The following OR2V2 variants were observed in gnomAD, a reference collection of about 807,000 sequenced individuals.
OR2V2 encodes the protein olfactory receptor family 2 subfamily V member 2.
For synonymous variants in OR2V2, 161 were observed against 151.3 expected, an observed-to-expected ratio of 1.06 and a Z score of -0.47; for missense variants, 392 against 392.2, an observed-to-expected ratio of 1.00 and a Z score of 0.00.
intron 1 of OR2V2, among the ~76,000 whole-genome samples, chr5:181,153,757 A>G (rs1763221690): frequency 6.6e-6 from 1 of 152,186 alleles, no homozygotes; most frequent in Admixed American, 6.5e-5. Flanking sequence ...AAATAAATCC[A>G]TTGAAACTTT....
chr5:181,151,725 T>C (rs1387433989), intron 1 of OR2V2, among the ~76,000 whole-genome samples: 1 of 152,034 alleles, frequency 6.6e-6, no homozygotes, highest in Non-Finnish European at 1.5e-5. Context: ...AAGCTGGGGC[T>C]GGGAGGGGCG....
rs146118085 is a variant in OR2V2, at chr5:181,155,800, C to G, written c.858C>G (p.Leu286=). The G allele has an allele frequency of 2.5e-5, 40 of 1,614,084 alleles. No homozygotes were observed. Among genetic ancestry groups the G allele is most frequent in the Non-Finnish European group, 3.2e-5 (38 of 1,180,048 alleles). Residue 286 remains leucine (L), a synonymous_variant, in exon 2 of 2, where the codon CTC becomes CTG. Coordinates refer to ENST00000641492, the MANE Select transcript of OR2V2 (RefSeq NM_206880.2). ...TCTACACGGTCCTTACTCCCATGCT[C>G]AACCCCCTCATTTACAGCTTGAGGA... ...SIFYTVLTPM[L]NPLIYSLRNR...
In OR2V2 at chr5:181,158,662, AT is replaced by A. The variant is rs1763297299; in HGVS notation, c.*2773del. On this transcript the variant is annotated 3_prime_UTR_variant, in exon 2 of 2. Coordinates refer to ENST00000641492, the MANE Select transcript of OR2V2 (RefSeq NM_206880.2). ...AAGTAAATAAATAAATAAACAAAAAATAAAAAGAAAACATGTGAAAGCACAG... is the reference window on the plus strand; with the variant it reads ...AAGTAAATAAATAAATAAACAAAAAAAAAAAGAAAACATGTGAAAGCACAG... The A allele has an allele frequency of 6.6e-6, 1 of 152,224 alleles. No homozygotes were observed. Among genetic ancestry groups the A allele is most frequent in the African/African-American group, 2.4e-5 (1 of 41,440 alleles). The allele number at this position is 152,224 out of a possible 1,614,324, so 9.4% of individuals were successfully genotyped here.
At chr5:181,151,944 C>G (rs188503791) in intron 1 of OR2V2, among the ~76,000 whole-genome samples, 1 of 147,350 alleles carries the variant, frequency 6.8e-6, no homozygotes, top group Admixed American at 6.8e-5. Context: ...GATCATGCCA[C>G]TGTGCTCCAG....
At chr5:181,153,561 A>G (rs899104553) in intron 1 of OR2V2, among the ~76,000 whole-genome samples, 4 of 152,220 alleles carry the variant, frequency 2.6e-5, no homozygotes, top group African/African-American at 9.6e-5. Flanking sequence ...GCATGGTGGC[A>G]GGCACCTATG....
At chr5:181,148,221 C>T (rs191192515) in intron 1 of OR2V2, among the ~76,000 whole-genome samples, 4 of 152,246 alleles carry the variant, frequency 2.6e-5, no homozygotes, top group Non-Finnish European at 4.4e-5. Context: ...TTCCCTCTCT[C>T]GATCCTTGGT....
intron 1 of OR2V2, among the ~76,000 whole-genome samples, chr5:181,149,241 A>G (rs1216717200): frequency 6.6e-6 from 1 of 151,868 alleles, no homozygotes; most frequent in Non-Finnish European, 1.5e-5. Flanking sequence ...TCAGGGGTGG[A>G]TATGTGGGGT....
At position 181,155,391 on chromosome 5, in the gene OR2V2, G is replaced by C; in HGVS notation, c.449G>C (p.Trp150Ser). The change falls in exon 2 of 2, where the codon TGG becomes TCG. Residue 150 changes from tryptophan to serine, a missense_variant. By Grantham distance (177) the Trp-to-Ser change is radical. Transcript: ENST00000641492. ...RVCLQITGSS[W>S]AFGIIDGLIQ... ...TGTCTCCAGATTACTGGGAGCTCCT[G>C]GGCCTTTGGGATAATCGATGGCTTG... The C allele has an allele frequency of 5.6e-6, 9 of 1,614,186 alleles. No homozygotes were observed. Among genetic ancestry groups the C allele is most frequent in the Non-Finnish European group, 7.6e-6 (9 of 1,180,022 alleles).
intron 1 of OR2V2, among the ~76,000 whole-genome samples, chr5:181,153,340 T>TC (rs1763216200): frequency 6.6e-6 from 1 of 152,202 alleles, no homozygotes; most frequent in South Asian, 2.1e-4. Flanking sequence ...CTTGGCTTTG[T>TC]CCGTGTAAAA....
At position 181,153,924 on chromosome 5, in the gene OR2V2, G is replaced by A. The variant is rs185867085; in HGVS notation, c.-24-995G>A. Among the ~76,000 whole-genome samples, 59 of 152,274 alleles carry A rather than the reference G, an allele frequency of 3.9e-4. 3 individuals are homozygous for A. The highest frequency in any genetic ancestry group is 1.4e-3 in the African/African-American group (59 of 41,542). On this transcript the variant is annotated intron_variant, in intron 1 of 1. Coordinates refer to ENST00000641492, the MANE Select transcript of OR2V2 (RefSeq NM_206880.2). Reference sequence around the variant, plus strand: ...CCTCTTCTACTGAAGCCCTGACTAAGGGATTATTTTCTAAGCCCCAGCATA... The same window carrying A: ...CCTCTTCTACTGAAGCCCTGACTAAAGGATTATTTTCTAAGCCCCAGCATA...
At chr5:181,151,769 G>A (rs191984734) in intron 1 of OR2V2, among the ~76,000 whole-genome samples, 265 of 152,206 alleles carry the variant, frequency 1.7e-3, no homozygotes, top group African/African-American at 6.1e-3. Flanking sequence ...GCATTACCGG[G>A]AGGCTGACGC....
At chr5:181,149,489 C>T (rs939109353) in intron 1 of OR2V2, among the ~76,000 whole-genome samples, 5 of 152,152 alleles carry the variant, frequency 3.3e-5, no homozygotes, top group African/African-American at 1.2e-4. Flanking sequence ...GAGTACACAG[C>T]GGGTGTAAGA....
At position 181,156,074 on chromosome 5, in the gene OR2V2, TGTTCTTTCTTTC is replaced by T; in HGVS notation, c.*197_*208del. The T allele has an allele frequency of 7.5e-6, 1 of 134,008 alleles. No homozygotes were observed. The highest frequency in any genetic ancestry group is 1.8e-3 in the Middle Eastern group (1 of 548). 8.3% of individuals were successfully genotyped at this position (134,008 alleles called of 1,614,324 possible). A position where few individuals can be genotyped will look rare whatever the true frequency, so the allele number is the denominator to read the frequency against. The stretch of plus-strand genomic sequence containing the variant: ...TCTTTCTTTCTTTCTTTCTTTCTTT[TGTTCTTTCTTTC>T]GTTCTTTCTTTCTCTTCCTCTTTCT... On this transcript the variant is annotated 3_prime_UTR_variant, in exon 2 of 2. Coordinates refer to ENST00000641492, the MANE Select transcript of OR2V2 (RefSeq NM_206880.2).
chr5:181,151,308 T>C (rs1005496747), intron 1 of OR2V2, among the ~76,000 whole-genome samples: 24 of 152,098 alleles, frequency 1.6e-4, no homozygotes, highest in African/African-American at 5.8e-4. Flanking sequence ...TGGAAGGGCG[T>C]TGGCCCTTGC....
chr5:181,150,600 T>C (rs79797112), intron 1 of OR2V2, among the ~76,000 whole-genome samples: 21 of 152,240 alleles, frequency 1.4e-4, no homozygotes, highest in African/African-American at 4.3e-4. Context: ...AGTGGGACCA[T>C]CTTAGAGACA....
rs1561631532 is a variant in OR2V2, at chr5:181,156,073, T to TCTTTCTTTCTTTCTTTC, written c.*183_*184insCTTTCTTTCTTTCTTTC. ...TTCTTTCTTTCTTTCTTTCTTTCTT[T>TCTTTCTTTCTTTCTTTC]TGTTCTTTCTTTCGTTCTTTCTTTC... is the stretch of plus-strand genomic sequence containing the variant. On this transcript the variant is annotated 3_prime_UTR_variant, in exon 2 of 2. Transcript: ENST00000641492. 2.3e-5 allele frequency: 8 copies of TCTTTCTTTCTTTCTTTC among 344,366 alleles called. No homozygotes were observed. In the East Asian group the frequency reaches 2.9e-4, roughly 12 times the overall value. The allele number at this position is 344,366 out of a possible 1,614,324, so 21.3% of individuals were successfully genotyped here.
intron 1 of OR2V2, among the ~76,000 whole-genome samples, chr5:181,152,976 C>G (rs1247702355): frequency 6.6e-6 from 1 of 152,214 alleles, no homozygotes; most frequent in Non-Finnish European, 1.5e-5. Context: ...CAGTAGGAAA[C>G]TCATACAAAG....
At chr5:181,148,124 G>A in intron 1 of OR2V2, 129 bp downstream of exon 1, 1 of 394,086 alleles carries the variant, frequency 2.5e-6, no homozygotes, top group Middle Eastern at 6.4e-4. Context: ...CCTCCATCAG[G>A]GTGTAATTGT....
chr5:181,153,526 A>G (rs1763218814), intron 1 of OR2V2, among the ~76,000 whole-genome samples: 1 of 151,982 alleles, frequency 6.6e-6, no homozygotes, highest in Non-Finnish European at 1.5e-5. Flanking sequence ...ATCTCTAATA[A>G]AAACAGAAAA....
Sources: gnomAD v4.1 joint callset for allele counts (sites outside exome capture counted in the v4.1 genomes callset) on GRCh38, gnomAD v4.1.1 for gene constraint, MANE v1.5 for transcripts, NCBI Gene and HGNC (gene_info 2026-07-23, HGNC 2026-07-21) for gene names.